The following PTPRN2 variants were observed in gnomAD, a reference collection of about 807,000 sequenced individuals.
PTPRN2 encodes protein tyrosine phosphatase receptor type N2.
A neutral mutation model predicts 118.8 loss-of-function variants in PTPRN2; 74 were observed. That is an observed-to-expected ratio of 0.62 (90% CI 0.52 to 0.76). The LOEUF (loss-of-function observed/expected upper bound fraction) is 0.76, where lower values mean the gene tolerates loss of function less well. Ranked by LOEUF, PTPRN2 falls within the 30% of genes least tolerant of loss-of-function variation. The pLI, the probability that PTPRN2 is intolerant of heterozygous loss-of-function variation, is 0.00. For missense variants in PTPRN2, 1,481 were observed against 1,394.4 expected (o/e 1.06, Z -0.99); for synonymous variants, 641 against 608.0 (o/e 1.05, Z -0.80).
In PTPRN2 at chr7:158,192,459, G is replaced by A. The variant is rs1825849498; in HGVS notation, c.417C>T (p.Tyr139=). The change falls in exon 5 of 23, where the codon TAC becomes TAT. Residue 139 remains tyrosine, a synonymous_variant. Coordinates refer to ENST00000389418, the MANE Select transcript of PTPRN2 (RefSeq NM_002847.5). ...CCAGGGCAGCACCGCCCTCCCGACT[G>A]TACCTCCTCTCGCTGCCAACGCTGT... ...SKHSVGSERR[Y]SREGGAALAN... 2 of 1,577,682 alleles carry A rather than the reference G, an allele frequency of 1.3e-6. No homozygotes were observed. Among genetic ancestry groups the A allele is most frequent in the Non-Finnish European group, 1.7e-6 (2 of 1,167,002 alleles).
chr7:158,154,520 G>A (rs1038563636), intron 6 of PTPRN2, among the ~76,000 whole-genome samples: 8 of 152,112 alleles, frequency 5.3e-5, no homozygotes, highest in African/African-American at 1.9e-4. Flanking sequence ...CCTTTGGTTC[G>A]AGTCTTGTTA....
intron 2 of PTPRN2, among the ~76,000 whole-genome samples, chr7:158,392,235 CGAG>C (rs1563235748): frequency 6.6e-6 from 1 of 152,084 alleles, no homozygotes; most frequent in African/African-American, 2.4e-5. Context: ...TCAAACTCCC[CGAG>C]GAGGAGAGGG....
intron 2 of PTPRN2, among the ~76,000 whole-genome samples, chr7:158,423,217 A>G (rs79034092): frequency 1.2e-3 from 181 of 152,368 alleles, no homozygotes; most frequent in African/African-American, 4.3e-3. Flanking sequence ...AACCCAAGAG[A>G]AACCACGGGG....
intron 11 of PTPRN2, among the ~76,000 whole-genome samples, chr7:158,071,346 CT>C (rs1811520811): frequency 1.8e-5 from 2 of 113,014 alleles, no homozygotes; most frequent in African/African-American, 7.1e-5. Context: ...GGTGGAGGTG[CT>C]CGTGGTGGTG....
chr7:158,128,432 A>T lies in PTPRN2; in HGVS notation c.1556+5245T>A, dbSNP rs2150414000. 3.3e-5 allele frequency among the ~76,000 whole-genome samples: 5 copies of T among 152,246 alleles called. 1 individual carries two copies. In the South Asian group the frequency reaches 1.0e-3, roughly 31 times the overall value. ...TGATGATTTTTTTTTTCTTTAACCC[A>T]CTGCTCATAGGAGGTAAATATTCCA... is the stretch of plus-strand genomic sequence containing the variant. On this transcript the variant is annotated intron_variant, in intron 9 of 22. Coordinates refer to ENST00000389418, the MANE Select transcript of PTPRN2 (RefSeq NM_002847.5).
chr7:157,789,733 G>A (rs1298841120), intron 12 of PTPRN2, among the ~76,000 whole-genome samples: 1 of 149,778 alleles, frequency 6.7e-6, no homozygotes, highest in African/African-American at 2.5e-5. Flanking sequence ...GTGTGTCTGT[G>A]GGGTACATGT....
rs1797590959 is a variant in PTPRN2, at chr7:157,903,549, C to T, written c.1724-4812G>A. The stretch of plus-strand genomic sequence containing the variant: ...CCTCCCACATGCCCCACGGTGCTGC[C>T]TCTCGAAACTGACTGGACCTTTTAA... On this transcript the variant is annotated intron_variant, in intron 11 of 22. Coordinates refer to ENST00000389418, the MANE Select transcript of PTPRN2 (RefSeq NM_002847.5). This position sits in a 1 kb window ranked among gnomAD's most constrained non-coding sequence, Gnocchi z 4.2. Among the ~76,000 whole-genome samples the T allele has an allele frequency of 6.6e-6, 1 of 152,068 alleles. No homozygotes were observed. Among genetic ancestry groups the T allele is most frequent in the African/African-American group, 2.4e-5 (1 of 41,394 alleles).
At chr7:158,562,226 T>C (rs1159440475) in intron 1 of PTPRN2, among the ~76,000 whole-genome samples, 1 of 152,260 alleles carries the variant, frequency 6.6e-6, no homozygotes, top group East Asian at 1.9e-4. Flanking sequence ...TCCTGGATCA[T>C]AGATGACGCC....
chr7:157,827,751 A>C (rs1468997360), intron 12 of PTPRN2, among the ~76,000 whole-genome samples: 1 of 151,824 alleles, frequency 6.6e-6, no homozygotes, highest in African/African-American at 2.4e-5. Context: ...ACTACGACTC[A>C]CCGTGCCGGG....
intron 3 of PTPRN2, among the ~76,000 whole-genome samples, chr7:158,262,398 GCA>G (rs141363725): frequency 0.011 from 1,373 of 129,358 alleles, 9 homozygotes; most frequent in Middle Eastern, 0.017. Flanking sequence ...CACACACACT[GCA>G]CACACACATA....
intron 14 of PTPRN2, among the ~76,000 whole-genome samples, chr7:157,639,699 T>G (rs73744814): frequency 0.085 from 13,000 of 152,300 alleles, 980 homozygotes; most frequent in African/African-American, 0.2. Context: ...TTGCTGCCCA[T>G]GTGGGGCCAG....
At chr7:158,240,100 C>T (rs967206697) in intron 3 of PTPRN2, among the ~76,000 whole-genome samples, 2 of 152,098 alleles carry the variant, frequency 1.3e-5, no homozygotes, top group African/African-American at 4.8e-5. Flanking sequence ...GCACTTGGGG[C>T]TTATGTGCAT....
At chr7:157,932,720 G>A (rs1367305977) in intron 11 of PTPRN2, among the ~76,000 whole-genome samples, 7 of 151,036 alleles carry the variant, frequency 4.6e-5, no homozygotes, top group Non-Finnish European at 1.0e-4. Context: ...TTTAAGAGGA[G>A]GGGTGAGTCA....
At chr7:157,661,202 G>C (rs1432207975) in intron 13 of PTPRN2, among the ~76,000 whole-genome samples, 3 of 152,272 alleles carry the variant, frequency 2.0e-5, no homozygotes, top group African/African-American at 4.8e-5. Flanking sequence ...CAGTGGTCTC[G>C]CGTCACTGCG....
chr7:158,268,895 C>T (rs1334652929), intron 3 of PTPRN2, among the ~76,000 whole-genome samples: 2 of 143,944 alleles, frequency 1.4e-5, no homozygotes, highest in African/African-American at 5.2e-5. Flanking sequence ...CGCACGCACA[C>T]AGAGTGGGGT....
intron 2 of PTPRN2, among the ~76,000 whole-genome samples, chr7:158,428,564 C>T (rs571383313): frequency 1.3e-5 from 2 of 152,270 alleles, no homozygotes; most frequent in East Asian, 1.9e-4. Flanking sequence ...ACTATTCCAC[C>T]GGAATTTTCT....
At chr7:158,139,711 A>G (rs906965459) in intron 6 of PTPRN2, among the ~76,000 whole-genome samples, 43 of 152,162 alleles carry the variant, frequency 2.8e-4, no homozygotes, top group African/African-American at 9.9e-4. Flanking sequence ...GACACGCTCC[A>G]CACATGAGAA....
intron 11 of PTPRN2, among the ~76,000 whole-genome samples, chr7:158,065,460 G>GTTCAT (rs1317224233): frequency 6.6e-6 from 1 of 152,250 alleles, no homozygotes; most frequent in Non-Finnish European, 1.5e-5. Context: ...AAGCAGCTGT[G>GTTCAT]TTCACATGGT....
At chr7:158,524,211 AGTC>A (rs1349143012) in intron 1 of PTPRN2, among the ~76,000 whole-genome samples, 1 of 47,578 alleles carries the variant, frequency 2.1e-5, no homozygotes, top group Non-Finnish European at 3.9e-5. Context: ...CCTGGAGTGG[AGTC>A]GTCTACCCTG....
Sources: allele counts gnomAD v4.1 joint callset (sites outside exome capture counted in the v4.1 genomes callset), GRCh38; gene constraint gnomAD v4.1.1; non-coding constraint Gnocchi (gnomAD v3.1); transcripts MANE v1.5; gene names NCBI Gene and HGNC (gene_info 2026-07-23, HGNC 2026-07-21).